The following ABCG4 variants were observed in gnomAD, a reference collection of about 807,000 sequenced individuals.
The protein encoded by ABCG4 is ATP binding cassette subfamily G member 4.
In ABCG4, 35 loss-of-function variants were observed where a neutral mutation model predicts 64.6. The observed-to-expected ratio is 0.54, with a 90% CI of 0.41 to 0.72. The LOEUF (loss-of-function observed/expected upper bound fraction) is 0.72, where lower values mean the gene tolerates loss of function less well. ABCG4 is among the 30% of genes least tolerant of loss of function. ABCG4 has a pLI of 0.00. For missense variants in ABCG4, 610 were observed against 846.3 expected (o/e 0.72, Z 3.46); for synonymous variants, 326 against 348.2 (o/e 0.94, Z 0.71).
rs1328348547 is a variant in ABCG4 at position 119,158,999 on chromosome 11, CT to C, written c.1437+71del. ...GCTCCTTCTATCCTTGCTTTCTTGC[CT>C]CCCTCAAACTTGTCACTTTCCTTCC... On this transcript the variant is annotated intron_variant, in intron 12 of 14. Coordinates refer to ENST00000619701, the MANE Select transcript of ABCG4 (RefSeq NM_022169.5). This position sits in a 1 kb window ranked among gnomAD's most constrained non-coding sequence, Gnocchi z 4.5. 6.9e-7 allele frequency: 1 copy of C among 1,445,422 alleles called. No homozygotes were observed. Among genetic ancestry groups the C allele is most frequent in the Non-Finnish European group, 9.7e-7 (1 of 1,029,454 alleles). The allele number at this position is 1,445,422 out of a possible 1,614,324, so 89.5% of individuals were successfully genotyped here. A position where few individuals can be genotyped will look rare whatever the true frequency, so the allele number is the denominator to read the frequency against.
chr11:119,151,814 T>C (rs990213549), intron 2 of ABCG4, among the ~76,000 whole-genome samples: 3 of 152,196 alleles, frequency 2.0e-5, no homozygotes, highest in Middle Eastern at 3.2e-3. Context: ...CCCAAGGGCC[T>C]GGCTGGCCTC....
At chr11:119,151,605 T>G (rs574101409) in intron 2 of ABCG4, among the ~76,000 whole-genome samples, 13 of 152,352 alleles carry the variant, frequency 8.5e-5, no homozygotes, top group African/African-American at 3.1e-4. Flanking sequence ...CATTTCTTAT[T>G]TTTTCAAAAC....
At chr11:119,153,862 G>A in intron 2 of ABCG4, 164 bp from the exon 3 acceptor site, 1 of 661,502 alleles carries the variant, frequency 1.5e-6, no homozygotes, top group Admixed American at 2.5e-5. Context: ...GGGATGAGAG[G>A]GATGGGTTCC....
At position 119,162,123 on chromosome 11, in the gene ABCG4, T is replaced by C. The variant is rs1948362872; in HGVS notation, c.*1017T>C. The C allele has an allele frequency of 6.5e-6, 1 of 152,774 alleles. No individual in the cohort carries two copies. 9.5% of individuals were successfully genotyped at this position (152,774 alleles called of 1,614,324 possible). ...GATCCCATGTTGGAGACTCTAAGGA[T>C]AAGGCTGGTGCTGCCCAGGGTGTCT... On this transcript the variant is annotated 3_prime_UTR_variant, in exon 15 of 15. Coordinates refer to ENST00000619701, the MANE Select transcript of ABCG4 (RefSeq NM_022169.5).
rs965413568 is a variant in ABCG4 at position 119,158,451 on chromosome 11, G to A, written c.1168-106G>A. The A allele has an allele frequency of 6.4e-7, 1 of 1,556,898 alleles. No individual in the cohort carries two copies. Among genetic ancestry groups the A allele is most frequent in the Non-Finnish European group, 8.9e-7 (1 of 1,129,156 alleles). On this transcript the variant is annotated intron_variant, in intron 10 of 14. Transcript: ENST00000619701. The surrounding 1 kb of genome is among the most constrained non-coding windows in gnomAD (Gnocchi z 4.5). ...CTCACAGCCCTGCAATGTGCCTGTG[G>A]GGTCTCTGTGCCTGTGAGGGCAGCT...
In ABCG4 at chr11:119,161,236, T is replaced by A. The variant is rs1319404677; in HGVS notation, c.*130T>A. 2 of 840,476 alleles carry A rather than the reference T, an allele frequency of 2.4e-6. No homozygotes were observed. Among genetic ancestry groups the A allele is most frequent in the Non-Finnish European group, 3.6e-6 (2 of 556,104 alleles). The allele number at this position is 840,476 out of a possible 1,614,324, so 52.1% of individuals were successfully genotyped here. On this transcript the variant is annotated 3_prime_UTR_variant, in exon 15 of 15. Coordinates refer to ENST00000619701, the MANE Select transcript of ABCG4 (RefSeq NM_022169.5). Reference sequence around the variant, plus strand: ...GGCTATCCTCTCCTCCCTTGGCTCCTCCACAGGCTGGCTGTCGGACTGCGC... The same window carrying A: ...GGCTATCCTCTCCTCCCTTGGCTCCACCACAGGCTGGCTGTCGGACTGCGC...
Position 119,156,745 on chromosome 11 carries a change from G to T in ABCG4, c.925+67G>T, listed in dbSNP as rs1948270844. 1.9e-6 allele frequency: 3 copies of T among 1,596,718 alleles called. No individual in the cohort carries two copies. Among genetic ancestry groups the T allele is most frequent in the Non-Finnish European group, 2.6e-6 (3 of 1,164,868 alleles). On this transcript the variant is annotated intron_variant, in intron 8 of 14. Coordinates refer to ENST00000619701, the MANE Select transcript of ABCG4 (RefSeq NM_022169.5). This position sits in a 1 kb window ranked among gnomAD's most constrained non-coding sequence, Gnocchi z 5.5. Reference sequence around the variant, plus strand: ...GGCCGAACCTGGGGTCTCTGGTCTTGCACTCAGGCCTCCTAGGGGTAGAGA... The same window carrying T: ...GGCCGAACCTGGGGTCTCTGGTCTTTCACTCAGGCCTCCTAGGGGTAGAGA...
rs1300804645 is a variant in ABCG4 at position 119,160,577 on chromosome 11, C to T, written c.1636C>T (p.Leu546Phe). Residue 546 changes from leucine to phenylalanine, a missense_variant, in exon 14 of 15, where the codon CTC (leucine) becomes TTC (phenylalanine). By Grantham distance (22) the Leu-to-Phe change is conservative. Transcript: ENST00000619701. This position sits in a 1 kb window ranked among gnomAD's most constrained non-coding sequence, Gnocchi z 4.6. ...GGGCCCAGTTACCGCCATCCCTGTC[C>T]TCTTGTTCTCCGGCTTCTTTGTCAG... Reference protein sequence around the residue: ...FVGPVTAIPVLLFSGFFVSFK... With the variant: ...FVGPVTAIPVFLFSGFFVSFK... 6.2e-7 allele frequency: 1 copy of T among 1,612,604 alleles called. No individual in the cohort carries two copies. Among genetic ancestry groups the T allele is most frequent in the Non-Finnish European group, 8.5e-7 (1 of 1,179,974 alleles).
chr11:119,158,365 C>T lies in ABCG4; in HGVS notation c.1167+33C>T. Reference sequence around the variant, plus strand: ...GTCAGGCTGGGGGAGAGGAGGCTGGCACAGGCCTGACCTTTTGGGCTGTAG... The same window carrying T: ...GTCAGGCTGGGGGAGAGGAGGCTGGTACAGGCCTGACCTTTTGGGCTGTAG... On this transcript the variant is annotated intron_variant, in intron 10 of 14. Coordinates refer to ENST00000619701, the MANE Select transcript of ABCG4 (RefSeq NM_022169.5). The surrounding 1 kb of genome is among the most constrained non-coding windows in gnomAD (Gnocchi z 4.5). 6.2e-7 allele frequency: 1 copy of T among 1,606,974 alleles called. No homozygotes were observed. Among genetic ancestry groups the T allele is most frequent in the Non-Finnish European group, 8.5e-7 (1 of 1,173,856 alleles).
rs1948250511 is a variant in ABCG4, at chr11:119,155,239, A to G, written c.686+324A>G. 6.6e-6 allele frequency among the ~76,000 whole-genome samples: 1 copy of G among 152,106 alleles called. No homozygotes were observed. The highest frequency in any genetic ancestry group is 1.5e-5 in the Non-Finnish European group (1 of 68,028). On this transcript the variant is annotated intron_variant, in intron 6 of 14. Coordinates refer to ENST00000619701, the MANE Select transcript of ABCG4 (RefSeq NM_022169.5). This position sits in a 1 kb window ranked among gnomAD's most constrained non-coding sequence, Gnocchi z 4.5. ...CTGCCCCATCTCTAATGTTGATGTTAAGTTCAGGACAGCAACAGATTCTTA... is the reference window on the plus strand; with the variant it reads ...CTGCCCCATCTCTAATGTTGATGTTGAGTTCAGGACAGCAACAGATTCTTA...
Position 119,149,926 on chromosome 11 carries a change from C to T in ABCG4, c.-12-28C>T. ...TTTGAGCCGGGCTCGGTGGTCTGCC[C>T]CAAACTGAGCAGGCCCTCCCCTTGC... is the stretch of plus-strand genomic sequence containing the variant. On this transcript the variant is annotated intron_variant, in intron 1 of 14. Transcript: ENST00000619701. This position sits in a 1 kb window ranked among gnomAD's most constrained non-coding sequence, Gnocchi z 8.3. The T allele has an allele frequency of 1.3e-6, 2 of 1,589,832 alleles. No homozygotes were observed. The highest frequency in any genetic ancestry group is 1.7e-6 in the Non-Finnish European group (2 of 1,174,516).
Position 119,156,601 on chromosome 11 carries a change from G to A in ABCG4, c.848G>A (p.Gly283Asp). 6.2e-7 allele frequency: 1 copy of A among 1,614,154 alleles called. No homozygotes were observed. Among genetic ancestry groups the A allele is most frequent in the Non-Finnish European group, 8.5e-7 (1 of 1,180,028 alleles). Reference protein sequence around the residue: ...ILSQGQCIFKGVVTNLIPYLK... With the variant: ...ILSQGQCIFKDVVTNLIPYLK... ...AGCCAGGGTCAGTGCATCTTCAAAG[G>A]CGTGGTCACCAACCTGATCCCCTAT... Residue 283 changes from glycine to aspartate, a missense_variant, in exon 8 of 15, where the codon GGC becomes GAC. Transcript: ENST00000619701. The surrounding 1 kb of genome is among the most constrained non-coding windows in gnomAD (Gnocchi z 5.5).
At position 119,154,930 on chromosome 11, in the gene ABCG4, C is replaced by T. The variant is rs114201202; in HGVS notation, c.686+15C>T. 3.8e-4 allele frequency: 601 copies of T among 1,596,926 alleles called. 2 individuals carry two copies. The African/African-American group carries it at 6.9e-3, about 18-fold the overall frequency. ...GAGCCCACCAGGTAGTTCTCTCCAC[C>T]CTTTCCCACCAGGATACCCCTCTCC... is the stretch of plus-strand genomic sequence containing the variant. On this transcript the variant is annotated intron_variant, in intron 6 of 14. Coordinates refer to ENST00000619701, the MANE Select transcript of ABCG4 (RefSeq NM_022169.5). This position sits in a 1 kb window ranked among gnomAD's most constrained non-coding sequence, Gnocchi z 7.0.
Position 119,158,659 on chromosome 11 carries a change from A to G in ABCG4, c.1270A>G (p.Thr424Ala), listed in dbSNP as rs1360263414. ...CGATGCCAGCAAGGTCTTCAACAAC[A>G]CCGGCTGCCTCTTCTTCTCCATGCT... ...GDDASKVFNN[T>A]GCLFFSMLFL... Residue 424 changes from threonine to alanine, a missense_variant, in exon 11 of 15, where the codon ACC becomes GCC. Transcript: ENST00000619701. The surrounding 1 kb of genome is among the most constrained non-coding windows in gnomAD (Gnocchi z 4.5). The G allele has an allele frequency of 6.2e-7, 1 of 1,614,064 alleles. No homozygotes were observed. Among genetic ancestry groups the G allele is most frequent in the Non-Finnish European group, 8.5e-7 (1 of 1,180,010 alleles).
In ABCG4 at chr11:119,154,016, C is replaced by G. The variant is rs761257343; in HGVS notation, c.239-10C>G. On this transcript the variant is annotated splice_polypyrimidine_tract_variant and intron_variant, in intron 2 of 14. Coordinates refer to ENST00000619701, the MANE Select transcript of ABCG4 (RefSeq NM_022169.5). This position sits in a 1 kb window ranked among gnomAD's most constrained non-coding sequence, Gnocchi z 7.0. Reference sequence around the variant, plus strand: ...AGCCTGACTAAAAATTCCTCCCCACCTCACTGCAGGTTATAAGACCCTTCT... The same window carrying G: ...AGCCTGACTAAAAATTCCTCCCCACGTCACTGCAGGTTATAAGACCCTTCT... The G allele has an allele frequency of 2.5e-6, 4 of 1,613,200 alleles. No homozygotes were observed. The South Asian group carries it at 4.4e-5, about 18-fold the overall frequency.
At position 119,155,882 on chromosome 11, in the gene ABCG4, C is replaced by A; in HGVS notation, c.687-447C>A. The A allele has an allele frequency of 5.2e-6, 1 of 192,476 alleles. No individual in the cohort carries two copies. The allele number at this position is 192,476 out of a possible 1,614,324, so 11.9% of individuals were successfully genotyped here. A position where few individuals can be genotyped will look rare whatever the true frequency, so the allele number is the denominator to read the frequency against. ...TGCTGGAATGCCCTTCACCACTGTG[C>A]CTGCCCTCTCCCCTTCACCTGCTTA... On this transcript the variant is annotated intron_variant, in intron 6 of 14. Transcript: ENST00000619701. The surrounding 1 kb of genome is among the most constrained non-coding windows in gnomAD (Gnocchi z 4.5).
intron 2 of ABCG4, among the ~76,000 whole-genome samples, chr11:119,152,681 G>T (rs1418177057): frequency 6.6e-6 from 1 of 152,170 alleles, no homozygotes; most frequent in Non-Finnish European, 1.5e-5. Context: ...TCTGCCCTCT[G>T]TTCCTTGGAT....
In ABCG4 at chr11:119,158,387, G is replaced by C; in HGVS notation, c.1167+55G>C. 1 of 1,591,874 alleles carries C rather than the reference G, an allele frequency of 6.3e-7. No homozygotes were observed. Among genetic ancestry groups the C allele is most frequent in the Non-Finnish European group, 8.6e-7 (1 of 1,160,726 alleles). On this transcript the variant is annotated intron_variant, in intron 10 of 14. Transcript: ENST00000619701. The surrounding 1 kb of genome is among the most constrained non-coding windows in gnomAD (Gnocchi z 4.5). The stretch of plus-strand genomic sequence containing the variant: ...TGGCACAGGCCTGACCTTTTGGGCT[G>C]TAGGATCCCAGCAGCTGAAATGGGA...
At position 119,158,203 on chromosome 11, in the gene ABCG4, A is replaced by C. The variant is rs1218398800; in HGVS notation, c.1069-31A>C. 1 of 1,543,828 alleles carries C rather than the reference A, an allele frequency of 6.5e-7. No individual in the cohort carries two copies. Among genetic ancestry groups the C allele is most frequent in the East Asian group, 2.3e-5 (1 of 44,158 alleles). On this transcript the variant is annotated intron_variant, in intron 9 of 14. Transcript: ENST00000619701. This position sits in a 1 kb window ranked among gnomAD's most constrained non-coding sequence, Gnocchi z 4.5. ...TTCTGTGGGTGAATGGGGTAGGCTCACCTGATCCCGATCCAATTTCTTCTT... is the reference window on the plus strand; with the variant it reads ...TTCTGTGGGTGAATGGGGTAGGCTCCCCTGATCCCGATCCAATTTCTTCTT...
Sources: allele counts gnomAD v4.1 joint callset (sites outside exome capture counted in the v4.1 genomes callset), GRCh38; gene constraint gnomAD v4.1.1; non-coding constraint Gnocchi (gnomAD v3.1); transcripts MANE v1.5; gene names NCBI Gene and HGNC (gene_info 2026-07-23, HGNC 2026-07-21).